PCSK5: variants seen among roughly 807,000 people sequenced by gnomAD.
PCSK5 encodes prohormone convertase 5.
Under a neutral mutation model 233.2 loss-of-function variants are expected in PCSK5, and 129 were observed. The ratio of observed to expected loss-of-function variants is 0.55; its 90% CI spans 0.48 to 0.64. The LOEUF (loss-of-function observed/expected upper bound fraction) is 0.64, where lower values mean the gene tolerates loss of function less well. PCSK5 is among the 30% of genes least tolerant of loss of function. PCSK5 has a pLI of 0.00. For missense variants in PCSK5, 2,076 were observed against 2,430.1 expected, an observed-to-expected ratio of 0.85 and a Z score of 3.06; for synonymous variants, 825 against 879.2, an observed-to-expected ratio of 0.94 and a Z score of 1.09.
chr9:75,908,925 CTCTATCTCTCTCTCTGTCTATCTA>C (rs1197585548), intron 1 of PCSK5, among the ~76,000 whole-genome samples: 1,638 of 103,794 alleles, frequency 0.016, 27 homozygotes, highest in Non-Finnish European at 0.02. Flanking sequence ...CTATCTATCT[CTCTATCTCTCTCTCTGTCTATCTA>C]TCTATCTATC....
chr9:75,966,123 G>A (rs1334298577), intron 2 of PCSK5, among the ~76,000 whole-genome samples: 2 of 152,118 alleles, frequency 1.3e-5, no homozygotes, highest in African/African-American at 4.8e-5. Context: ...TGTGTCAACC[G>A]GTGTCTCTAG....
chr9:75,940,227 TCGAGTCTA>T (rs1392188392), intron 2 of PCSK5, among the ~76,000 whole-genome samples: 1 of 152,232 alleles, frequency 6.6e-6, no homozygotes, highest in Non-Finnish European at 1.5e-5. Context: ...CGTCTACCCA[TCGAGTCTA>T]CTTTTGCCTT....
chr9:75,945,083 C>T (rs748333965), intron 2 of PCSK5, among the ~76,000 whole-genome samples: 5 of 150,828 alleles, frequency 3.3e-5, no homozygotes, highest in African/African-American at 9.8e-5. Flanking sequence ...CACTCCAGCC[C>T]GGGCAACAAG....
At position 76,341,499 on chromosome 9, in the gene PCSK5, G is replaced by T. The variant is rs1829834313; in HGVS notation, c.4966+3052G>T. On this transcript the variant is annotated intron_variant, in intron 35 of 37. Coordinates refer to ENST00000674117, the MANE Select transcript of PCSK5 (RefSeq NM_001372043.1). ...AATAGAGACGATGTCTCGCCATGTTGCCCAGGCTGATCTTGAACTCCTGGG... is the reference window on the plus strand; with the variant it reads ...AATAGAGACGATGTCTCGCCATGTTTCCCAGGCTGATCTTGAACTCCTGGG... 2.0e-5 allele frequency among the ~76,000 whole-genome samples: 3 copies of T among 151,908 alleles called. No homozygotes were observed. The South Asian group carries it at 6.3e-4, about 32-fold the overall frequency.
chr9:76,197,945 G>A (rs1021615065), intron 20 of PCSK5, among the ~76,000 whole-genome samples: 4 of 152,228 alleles, frequency 2.6e-5, no homozygotes, highest in African/African-American at 9.6e-5. Flanking sequence ...AGCCAAGGTG[G>A]ACTTAATTTC....
In PCSK5 at chr9:76,276,866, T is replaced by C. The variant is rs1022322999; in HGVS notation, c.3143-15367T>C. 2.3e-4 allele frequency among the ~76,000 whole-genome samples: 35 copies of C among 152,238 alleles called. 1 individual carries two copies. The highest frequency in any genetic ancestry group is 5.9e-5 in the Non-Finnish European group (4 of 68,042). Reference sequence around the variant, plus strand: ...AACAAAACAGAACAACCTGTCTTCATGAAGCTTGCGTTTTACTGTTTGCTT... The same window carrying C: ...AACAAAACAGAACAACCTGTCTTCACGAAGCTTGCGTTTTACTGTTTGCTT... On this transcript the variant is annotated intron_variant, in intron 24 of 37. Transcript: ENST00000674117.
Position 75,891,095 on chromosome 9 carries a change from G to T in PCSK5, c.-87G>T. The T allele has an allele frequency of 5.2e-5, 56 of 1,079,052 alleles. No homozygotes were observed. The highest frequency in any genetic ancestry group is 6.6e-5 in the Non-Finnish European group (54 of 821,602). The allele number at this position is 1,079,052 out of a possible 1,614,324, so 66.8% of individuals were successfully genotyped here. Reference sequence around the variant, plus strand: ...TGCGGCGGCCCGGGGCTGCTCGCCGGGCGGCGCAGGCCGGAGAAGTTAGTT... The same window carrying T: ...TGCGGCGGCCCGGGGCTGCTCGCCGTGCGGCGCAGGCCGGAGAAGTTAGTT... On this transcript the variant is annotated 5_prime_UTR_variant, in exon 1 of 38. Transcript: ENST00000674117.
chr9:76,244,506 G>C (rs538277886), intron 24 of PCSK5, among the ~76,000 whole-genome samples: 1 of 149,740 alleles, frequency 6.7e-6, no homozygotes, highest in Non-Finnish European at 1.5e-5. Flanking sequence ...AGTGAAATCA[G>C]TTATTGTGAG....
chr9:75,898,949 A>G (rs928543748), intron 1 of PCSK5, among the ~76,000 whole-genome samples: 1 of 152,252 alleles, frequency 6.6e-6, no homozygotes. Flanking sequence ...TGGTTCAGTC[A>G]CGCCTTGGGA....
At chr9:76,192,023 G>GAGCAGAGATCGTGTCCAGCCTAGGCAAC (rs1824410452) in intron 20 of PCSK5, among the ~76,000 whole-genome samples, 2 of 136,716 alleles carry the variant, frequency 1.5e-5, no homozygotes, top group Non-Finnish European at 3.0e-5. Flanking sequence ...AGGTTGCAGA[G>GAGCAGAGATCGTGTCCAGCCTAGGCAAC]AGCAGAGATC....
At chr9:76,135,085 AG>A (rs1045121024) in intron 10 of PCSK5, among the ~76,000 whole-genome samples, 17 of 152,092 alleles carry the variant, frequency 1.1e-4, no homozygotes, top group Non-Finnish European at 2.9e-5. Flanking sequence ...TCCATAGCAC[AG>A]GGCACATCTC....
At chr9:76,280,958 T>A (rs112273643) in intron 24 of PCSK5, among the ~76,000 whole-genome samples, 2 of 152,064 alleles carry the variant, frequency 1.3e-5, no homozygotes, top group Non-Finnish European at 2.9e-5. Flanking sequence ...AGCCAAAGCC[T>A]AATCCAGAGC....
intron 1 of PCSK5, among the ~76,000 whole-genome samples, chr9:75,918,074 T>C (rs910531865): frequency 6.6e-6 from 1 of 152,254 alleles, no homozygotes; most frequent in Non-Finnish European, 1.5e-5. Flanking sequence ...TCTAATACTG[T>C]GAACATTATT....
chr9:76,290,914 G>A (rs1425261135), intron 24 of PCSK5, among the ~76,000 whole-genome samples: 1 of 152,184 alleles, frequency 6.6e-6, no homozygotes, highest in East Asian at 1.9e-4. Context: ...CAACCATCTT[G>A]TCCAACCAGC....
chr9:76,229,907 G>A (rs1045622425), intron 21 of PCSK5, among the ~76,000 whole-genome samples: 4 of 152,174 alleles, frequency 2.6e-5, no homozygotes, highest in African/African-American at 9.7e-5. Context: ...TCAAGAGCTG[G>A]CATGAGTTGG....
intron 20 of PCSK5, among the ~76,000 whole-genome samples, chr9:76,216,553 G>A (rs1159929922): frequency 2.0e-5 from 3 of 152,092 alleles, no homozygotes; most frequent in African/African-American, 7.2e-5. Flanking sequence ...ATAATATTAA[G>A]CAATAGAGGA....
At chr9:75,986,891 C>A (rs776110626) in intron 3 of PCSK5, among the ~76,000 whole-genome samples, 4 of 152,168 alleles carry the variant, frequency 2.6e-5, no homozygotes, top group Non-Finnish European at 5.9e-5. Context: ...CATCTCTAAT[C>A]TCTTAGGGAT....
At chr9:75,976,726 G>A (rs566170737) in intron 2 of PCSK5, among the ~76,000 whole-genome samples, 69 of 151,432 alleles carry the variant, frequency 4.6e-4, no homozygotes, top group Non-Finnish European at 5.9e-5. Context: ...CAATATTTAT[G>A]TTATTATGTT....
At chr9:75,927,316 AG>A (rs1823536894) in intron 1 of PCSK5, among the ~76,000 whole-genome samples, 1 of 152,222 alleles carries the variant, frequency 6.6e-6, no homozygotes, top group East Asian at 1.9e-4. Context: ...TTCAAAAAGG[AG>A]GTACAGAATT....
Sources: gnomAD v4.1 joint callset for allele counts (sites outside exome capture counted in the v4.1 genomes callset) on GRCh38, gnomAD v4.1.1 for gene constraint, MANE v1.5 for transcripts, NCBI Gene and HGNC (gene_info 2026-07-23, HGNC 2026-07-21) for gene names.